Variants in ARHGEF12 observed in about 807,000 individuals in gnomAD.
ARHGEF12 encodes the protein KMT2A/ARHGEF12 fusion protein.
A neutral mutation model predicts 211.2 loss-of-function variants in ARHGEF12; 66 were observed. The observed-to-expected ratio is 0.31, with a 90% CI of 0.26 to 0.38. The LOEUF (loss-of-function observed/expected upper bound fraction) is 0.38, where lower values mean the gene tolerates loss of function less well. Among genes scored for constraint, ARHGEF12 ranks in the 10% least tolerant of loss-of-function variants. ARHGEF12 has a pLI of 1.00. For missense variants in ARHGEF12, 1,429 were observed against 1,869.5 expected, an observed-to-expected ratio of 0.76 and a Z score of 4.34; for synonymous variants, 592 against 638.4, an observed-to-expected ratio of 0.93 and a Z score of 1.09.
chr11:120,359,975 T>C (rs1943235398), intron 1 of ARHGEF12, among the ~76,000 whole-genome samples: 1 of 152,196 alleles, frequency 6.6e-6, no homozygotes, highest in Non-Finnish European at 1.5e-5. Context: ...GAAAGATTGG[T>C]AGATAAATAA....
chr11:120,478,087 T>A, intron 36 of ARHGEF12, 69 bp from the exon 37 acceptor site: 1 of 1,014,946 alleles, frequency 9.9e-7, no homozygotes, highest in Non-Finnish European at 1.4e-6. Context: ...GATTCTTCCC[T>A]GAATGCTTCA....
At chr11:120,377,674 T>C (rs2135436597) in intron 1 of ARHGEF12, among the ~76,000 whole-genome samples, 1 of 152,168 alleles carries the variant, frequency 6.6e-6, no homozygotes, top group South Asian at 2.1e-4. Context: ...TTCAGATGCA[T>C]CCAAATTGTT....
At chr11:120,417,191 G>T (rs1330861311) in intron 4 of ARHGEF12, among the ~76,000 whole-genome samples, 1 of 152,020 alleles carries the variant, frequency 6.6e-6, no homozygotes, top group Non-Finnish European at 1.5e-5. Context: ...ATGTTTTACA[G>T]GTGTCCTGTT....
chr11:120,353,179 C>T (rs1325258753), intron 1 of ARHGEF12, among the ~76,000 whole-genome samples: 2 of 152,198 alleles, frequency 1.3e-5, no homozygotes, highest in Non-Finnish European at 2.9e-5. Flanking sequence ...AGCCTCAGAA[C>T]CTTGGGACAC....
At chr11:120,476,790 C>A in intron 34 of ARHGEF12, 42 bp downstream of exon 34, 1 of 1,451,784 alleles carries the variant, frequency 6.9e-7, no homozygotes, top group Non-Finnish European at 9.5e-7. Flanking sequence ...CTAATATTTT[C>A]ATTATCCCAA....
At chr11:120,410,316 T>G (rs1274767467) in intron 4 of ARHGEF12, 1 of 151,690 alleles carries the variant, frequency 6.6e-6, no homozygotes. Flanking sequence ...TGGTTTTTTG[T>G]TTTTTGAGAA....
rs181960410 is a variant in ARHGEF12, at chr11:120,356,224, A to T, written c.32+18949A>T. 8.6e-5 allele frequency among the ~76,000 whole-genome samples: 13 copies of T among 152,022 alleles called. No individual in the cohort carries two copies. In the East Asian group the frequency reaches 2.5e-3, roughly 29 times the overall value. ...TCCTTCACTCCATGTCTTTTTTAAA[A>T]TTTTTTATGTTTTTGAGACCGAGTC... On this transcript the variant is annotated intron_variant, in intron 1 of 40. Transcript: ENST00000397843.
chr11:120,450,152 C>G (rs1946161907), intron 21 of ARHGEF12: 1 of 152,296 alleles, frequency 6.6e-6, no homozygotes, highest in African/African-American at 2.4e-5. Flanking sequence ...GGGAGGATCA[C>G]TTGAGCCTGG....
intron 1 of ARHGEF12, among the ~76,000 whole-genome samples, chr11:120,396,406 AT>A (rs1394245686): frequency 6.6e-6 from 1 of 152,164 alleles, no homozygotes; most frequent in Non-Finnish European, 1.5e-5. Flanking sequence ...GGGAAAAATA[AT>A]AACTTTACAG....
rs199514536 is a variant in ARHGEF12, at chr11:120,476,697, A to G, written c.3314A>G (p.Asn1105Ser). 35 of 1,613,176 alleles carry G rather than the reference A, an allele frequency of 2.2e-5. No homozygotes were observed. Among genetic ancestry groups the G allele is most frequent in the South Asian group, 4.4e-5 (4 of 90,900 alleles). Reference protein sequence around the residue: ...KALFVISMSDNGAQIYELVAQ... With the variant: ...KALFVISMSDSGAQIYELVAQ... Reference sequence around the variant, plus strand: ...TTATTCGTCATTTCCATGTCAGACAATGGCGCTCAGATTTATGAACTGGTG... The same window carrying G: ...TTATTCGTCATTTCCATGTCAGACAGTGGCGCTCAGATTTATGAACTGGTG... Residue 1105 changes from asparagine (N) to serine (S), a missense_variant, in exon 34 of 41, where the codon AAT becomes AGT. By Grantham distance (46) the Asn-to-Ser change is conservative. Transcript: ENST00000397843.
chr11:120,371,533 A>T (rs1328073169), intron 1 of ARHGEF12, among the ~76,000 whole-genome samples: 1 of 152,280 alleles, frequency 6.6e-6, no homozygotes, highest in Non-Finnish European at 1.5e-5. Flanking sequence ...TAATACATAA[A>T]CTTATTATTT....
intron 31 of ARHGEF12, among the ~76,000 whole-genome samples, chr11:120,473,532 A>G (rs974575049): frequency 5.9e-5 from 9 of 152,160 alleles, no homozygotes; most frequent in African/African-American, 1.7e-4. Context: ...CCTCCCTAGC[A>G]GCTAGGACTA....
chr11:120,345,375 T>C (rs189512563), intron 1 of ARHGEF12, among the ~76,000 whole-genome samples: 41 of 152,302 alleles, frequency 2.7e-4, no homozygotes, highest in African/African-American at 9.4e-4. Context: ...ACTATATTGC[T>C]TTGCTGAAAC....
intron 28 of ARHGEF12, among the ~76,000 whole-genome samples, chr11:120,465,942 T>C (rs1419757328): frequency 6.6e-6 from 1 of 152,232 alleles, no homozygotes; most frequent in Admixed American, 6.5e-5. Flanking sequence ...TAAGAGAATA[T>C]TGTCAAAGCA....
chr11:120,380,118 C>G (rs1239364858), intron 1 of ARHGEF12, among the ~76,000 whole-genome samples: 1 of 152,158 alleles, frequency 6.6e-6, no homozygotes, highest in Admixed American at 6.5e-5. Context: ...TTCACTGCCC[C>G]CTGAGAGTAC....
chr11:120,338,720 G>A (rs114539498), intron 1 of ARHGEF12, among the ~76,000 whole-genome samples: 3 of 152,044 alleles, frequency 2.0e-5, no homozygotes, highest in African/African-American at 4.8e-5. Context: ...CGCTCTTTCT[G>A]TTGAGCCTGT....
intron 13 of ARHGEF12, among the ~76,000 whole-genome samples, chr11:120,440,495 A>C (rs1366603268): frequency 6.6e-6 from 1 of 152,164 alleles, no homozygotes; most frequent in African/African-American, 2.4e-5. Context: ...TTTTAAAAAA[A>C]ATTTCAAATC....
chr11:120,428,847 A>C (rs1196574324), intron 8 of ARHGEF12, among the ~76,000 whole-genome samples: 1 of 152,242 alleles, frequency 6.6e-6, no homozygotes, highest in African/African-American at 2.4e-5. Context: ...GGATGTGCAT[A>C]GTGGGAGATG....
chr11:120,362,885 G>A (rs182227345), intron 1 of ARHGEF12, among the ~76,000 whole-genome samples: 372 of 152,236 alleles, frequency 2.4e-3, no homozygotes, highest in South Asian at 4.8e-3. Context: ...CGGATCATGA[G>A]GTCAGGAGAT....
Sources: gnomAD v4.1 joint callset for allele counts (sites outside exome capture counted in the v4.1 genomes callset) on GRCh38, gnomAD v4.1.1 for gene constraint, MANE v1.5 for transcripts, NCBI Gene and HGNC (gene_info 2026-07-23, HGNC 2026-07-21) for gene names.